Variants in XRCC4 observed in about 807,000 individuals in gnomAD.
XRCC4 encodes the protein DNA repair protein XRCC4.
Under a neutral mutation model 39.1 loss-of-function variants are expected in XRCC4, and 28 were observed. The ratio of observed to expected loss-of-function variants is 0.72; its 90% CI spans 0.53 to 0.98. The LOEUF (loss-of-function observed/expected upper bound fraction) is 0.98, where lower values mean the gene tolerates loss of function less well. Among genes scored for constraint, XRCC4 ranks in the 50% least tolerant of loss-of-function variants. The probability of loss-of-function intolerance (pLI) is 0.00; values close to 1 mark genes in which losing one functional copy is unlikely to be tolerated. For missense variants in XRCC4, 350 were observed against 376.4 expected (o/e 0.93, Z 0.58); for synonymous variants, 123 against 126.4 (o/e 0.97, Z 0.18).
intron 6 of XRCC4, among the ~76,000 whole-genome samples, chr5:83,208,753 A>G (rs982719199): frequency 6.6e-6 from 1 of 152,058 alleles, no homozygotes; most frequent in African/African-American, 2.4e-5. Flanking sequence ...ATCACAGTCA[A>G]TATCACCGCA....
At chr5:83,250,742 C>G (rs551910820) in intron 6 of XRCC4, among the ~76,000 whole-genome samples, 138 of 152,256 alleles carry the variant, frequency 9.1e-4, no homozygotes, top group South Asian at 2.3e-3. Context: ...TTAATTTTCT[C>G]TTTTGGAAAA....
chr5:83,116,717 G>C (rs1294367855), intron 3 of XRCC4, among the ~76,000 whole-genome samples: 1 of 147,208 alleles, frequency 6.8e-6, no homozygotes, highest in Non-Finnish European at 1.5e-5. Flanking sequence ...TGCCTCCCAG[G>C]TTCAAGTGAT....
chr5:83,254,558 A>G (rs1047085488), intron 6 of XRCC4, among the ~76,000 whole-genome samples: 2 of 152,192 alleles, frequency 1.3e-5, no homozygotes, highest in South Asian at 4.1e-4. Context: ...TCAAATATAT[A>G]TATAAGGTAA....
intron 7 of XRCC4, among the ~76,000 whole-genome samples, chr5:83,323,369 T>G (rs1228694449): frequency 3.3e-5 from 5 of 151,910 alleles, no homozygotes; most frequent in Non-Finnish European, 5.9e-5. Context: ...AATAAGAAAA[T>G]GAATATTACA....
At chr5:83,225,703 G>T (rs903093067) in intron 6 of XRCC4, among the ~76,000 whole-genome samples, 7 of 151,002 alleles carry the variant, frequency 4.6e-5, no homozygotes, top group African/African-American at 1.7e-4. Context: ...GCTTCCAAAA[G>T]GCTATTATTG....
chr5:83,084,371 GCT>G (rs2112288447), intron 1 of XRCC4, among the ~76,000 whole-genome samples: 2 of 152,316 alleles, frequency 1.3e-5, no homozygotes, highest in South Asian at 4.1e-4. Flanking sequence ...TAAGGCATTG[GCT>G]GAAATCATTG....
chr5:83,355,680 C>T (rs1396606770), downstream of XRCC4, among the ~76,000 whole-genome samples: 1 of 152,224 alleles, frequency 6.6e-6, no homozygotes, highest in East Asian at 1.9e-4. Context: ...CACACCATCA[C>T]CCAGGCTGGA....
At chr5:83,282,093 T>C (rs188604748) in intron 7 of XRCC4, among the ~76,000 whole-genome samples, 2 of 152,290 alleles carry the variant, frequency 1.3e-5, no homozygotes, top group Non-Finnish European at 2.9e-5. Flanking sequence ...ATGTCAGAAA[T>C]AGATTCTGAT....
At chr5:83,373,979 A>G in the XRCC4 span, among the ~76,000 whole-genome samples, 2 of 152,202 alleles carry the variant, frequency 1.3e-5, no homozygotes, top group Admixed American at 1.3e-4. Context: ...AAAAACATGT[A>G]AGTTATTCAA....
intron 3 of XRCC4, among the ~76,000 whole-genome samples, chr5:83,127,096 T>C (rs989304651): frequency 7.9e-5 from 12 of 152,158 alleles, no homozygotes; most frequent in Non-Finnish European, 1.3e-4. Flanking sequence ...CTCTGGACTT[T>C]AGACTTTTGT....
intron 1 of XRCC4, among the ~76,000 whole-genome samples, chr5:83,103,035 A>ATAT (rs1554054091): frequency 4.2e-5 from 2 of 47,242 alleles, no homozygotes; most frequent in African/African-American, 9.0e-5. Flanking sequence ...TATATATGTC[A>ATAT]ACATATTTCC....
At chr5:83,190,853 A>C (rs1253851235) in intron 3 of XRCC4, among the ~76,000 whole-genome samples, 2 of 152,206 alleles carry the variant, frequency 1.3e-5, no homozygotes, top group Non-Finnish European at 2.9e-5. Flanking sequence ...TGATAGCATT[A>C]AGTGCTATTA....
intron 1 of XRCC4, among the ~76,000 whole-genome samples, chr5:83,100,469 A>G (rs1745878318): frequency 6.6e-6 from 1 of 152,076 alleles, no homozygotes; most frequent in African/African-American, 2.4e-5. Context: ...GTAATTAGAA[A>G]TTTGTCACTT....
intron 4 of XRCC4, among the ~76,000 whole-genome samples, chr5:83,198,257 T>C (rs1751034155): frequency 6.6e-6 from 1 of 152,080 alleles, no homozygotes; most frequent in Admixed American, 6.6e-5. Context: ...ATTTCTTCTA[T>C]ACTACATATG....
intron 1 of XRCC4, among the ~76,000 whole-genome samples, chr5:83,088,806 ATTGT>A (rs1380446311): frequency 6.6e-6 from 1 of 152,056 alleles, no homozygotes; most frequent in African/African-American, 2.4e-5. Flanking sequence ...ATCATTCTTG[ATTGT>A]TCTGAAGTTT....
intron 4 of XRCC4, among the ~76,000 whole-genome samples, chr5:83,200,099 G>C (rs1272599776): frequency 6.6e-6 from 1 of 152,088 alleles, no homozygotes; most frequent in Non-Finnish European, 1.5e-5. Context: ...CAGGAAGCAC[G>C]TAATGGAATG....
At chr5:83,281,476 C>T (rs974905645) in intron 7 of XRCC4, among the ~76,000 whole-genome samples, 2 of 151,420 alleles carry the variant, frequency 1.3e-5, no homozygotes, top group African/African-American at 2.4e-5. Context: ...CATATGTGTT[C>T]GGTCGAGTTT....
chr5:83,096,387 C>T (rs72767114), intron 1 of XRCC4, among the ~76,000 whole-genome samples: 5,947 of 152,134 alleles, frequency 0.039, 192 homozygotes, highest in South Asian at 0.15. Context: ...GTGGGCTGAC[C>T]GGCCTTTGTG....
At chr5:83,291,772 T>G (rs181058220) in intron 7 of XRCC4, among the ~76,000 whole-genome samples, 33 of 152,030 alleles carry the variant, frequency 2.2e-4, no homozygotes, top group Non-Finnish European at 3.5e-4. Context: ...AGGCACTATA[T>G]GTTACAACTT....
Sources: gnomAD v4.1 joint callset for allele counts (sites outside exome capture counted in the v4.1 genomes callset) on GRCh38, gnomAD v4.1.1 for gene constraint, MANE v1.5 for transcripts, NCBI Gene and HGNC (gene_info 2026-07-23, HGNC 2026-07-21) for gene names.